LNPK: variants seen among roughly 807,000 people sequenced by gnomAD.
LNPK encodes lunapark, ER junction formation factor.
A neutral mutation model predicts 55.2 loss-of-function variants in LNPK; 29 were observed. That is an observed-to-expected ratio of 0.53 (90% CI 0.39 to 0.72). LNPK has a LOEUF of 0.72. LNPK is among the 30% of genes least tolerant of loss of function. The probability of loss-of-function intolerance (pLI) is 0.00; values close to 1 mark genes in which losing one functional copy is unlikely to be tolerated. For missense variants in LNPK, 467 were observed against 494.8 expected (o/e 0.94, Z 0.53); for synonymous variants, 162 against 168.2 (o/e 0.96, Z 0.29).
intron 4 of LNPK, among the ~76,000 whole-genome samples, chr2:175,986,970 G>GAAAAAAAAAAAAAAAACAAAAAAA (rs745941194): frequency 8.4e-6 from 1 of 119,046 alleles, no homozygotes; most frequent in Non-Finnish European, 1.8e-5. Context: ...TATCAAACAA[G>GAAAAAAAAAAAAAAAACAAAAAAA]AAAAAAAAAA....
At position 175,979,861 on chromosome 2, in the gene LNPK, T is replaced by G; in HGVS notation, c.265A>C (p.Ser89Arg). 6.3e-7 allele frequency: 1 copy of G among 1,578,850 alleles called. No individual in the cohort carries two copies. Among genetic ancestry groups the G allele is most frequent in the East Asian group, 2.3e-5 (1 of 44,226 alleles). Residue 89 changes from serine to arginine, a missense_variant, in exon 5 of 13, where the codon AGC becomes CGC. Physicochemically the swap from Ser to Arg is moderately radical, Grantham distance 110. Transcript: ENST00000272748. The part of the protein sequence containing the change: ...PFFAFPLIIW[S>R]IRTVIIFFFS... ...AAGAAAATAATTACTGTTCTTATGC[T>G]CCAGATGCTAAAAGGGAAGCAAAAT...
At position 175,928,772 on chromosome 2, in the gene LNPK, G is replaced by C. The variant is rs1296341499; in HGVS notation, c.*1195C>G. ...TATTAAAGGTCCAAGAATTAGCACT[G>C]AGACACATTTTTTCCAGTTAATCCT... On this transcript the variant is annotated 3_prime_UTR_variant, in exon 13 of 13. Coordinates refer to ENST00000272748, the MANE Select transcript of LNPK (RefSeq NM_030650.3). 1 of 151,944 alleles carries C rather than the reference G, an allele frequency of 6.6e-6. No individual in the cohort carries two copies. The highest frequency in any genetic ancestry group is 1.5e-5 in the Non-Finnish European group (1 of 67,976). The allele number at this position is 151,944 out of a possible 1,614,324, so 9.4% of individuals were successfully genotyped here.
chr2:175,929,048 A>G lies in LNPK; in HGVS notation c.*919T>C. 2.2e-6 allele frequency: 2 copies of G among 918,366 alleles called. No homozygotes were observed. Among genetic ancestry groups the G allele is most frequent in the Non-Finnish European group, 2.6e-6 (2 of 768,472 alleles). The allele number at this position is 918,366 out of a possible 1,614,324, so 56.9% of individuals were successfully genotyped here. Reference sequence around the variant, plus strand: ...ATTGTATTGTGAGCTATTCCTCCTAAGATTTTTCAGGTAGCCAAGTCACCC... The same window carrying G: ...ATTGTATTGTGAGCTATTCCTCCTAGGATTTTTCAGGTAGCCAAGTCACCC... On this transcript the variant is annotated 3_prime_UTR_variant, in exon 13 of 13. Coordinates refer to ENST00000272748, the MANE Select transcript of LNPK (RefSeq NM_030650.3).
chr2:175,999,576 G>C (rs529010498), intron 1 of LNPK, among the ~76,000 whole-genome samples: 61 of 152,230 alleles, frequency 4.0e-4, no homozygotes, highest in South Asian at 1.0e-3. Flanking sequence ...CATGGGAACC[G>C]AATAACCTTT....
intron 1 of LNPK, among the ~76,000 whole-genome samples, chr2:175,996,514 TTAA>T (rs1468793649): frequency 2.0e-4 from 30 of 152,188 alleles, no homozygotes; most frequent in African/African-American, 7.0e-4. Flanking sequence ...TCTTAATTAG[TTAA>T]TAATACAACC....
intron 4 of LNPK, among the ~76,000 whole-genome samples, chr2:175,981,276 T>A (rs960544313): frequency 2.6e-5 from 4 of 152,182 alleles, no homozygotes; most frequent in Non-Finnish European, 5.9e-5. Flanking sequence ...GATTACAAGC[T>A]CTGTGAGAAG....
At position 175,993,226 on chromosome 2, in the gene LNPK, G is replaced by A. The variant is rs775833407; in HGVS notation, c.28-3C>T. On this transcript the variant is annotated splice_region_variant and splice_polypyrimidine_tract_variant and intron_variant, in intron 2 of 12. Coordinates refer to ENST00000272748, the MANE Select transcript of LNPK (RefSeq NM_030650.3). ...ACTTCTACAGTTGAAGGTTTTGTCT[G>A]TTATACAAACAGAAACAAGAGACAG... is the stretch of plus-strand genomic sequence containing the variant. The A allele has an allele frequency of 6.5e-7, 1 of 1,542,818 alleles. No homozygotes were observed. Among genetic ancestry groups the A allele is most frequent in the South Asian group, 1.2e-5 (1 of 80,370 alleles).
At chr2:175,969,171 A>C (rs1686529584) in intron 6 of LNPK, among the ~76,000 whole-genome samples, 1 of 152,228 alleles carries the variant, frequency 6.6e-6, no homozygotes, top group African/African-American at 2.4e-5. Context: ...TTTAATTAAT[A>C]AAGTGAATTA....
chr2:175,982,994 C>T (rs1047729631), intron 4 of LNPK, among the ~76,000 whole-genome samples: 2 of 152,126 alleles, frequency 1.3e-5, no homozygotes, highest in Non-Finnish European at 2.9e-5. Flanking sequence ...TAAAACTCAA[C>T]CATCAGAATA....
At chr2:175,935,971 A>T (rs1684526497) in intron 12 of LNPK, among the ~76,000 whole-genome samples, 1 of 152,026 alleles carries the variant, frequency 6.6e-6, no homozygotes, top group Admixed American at 6.6e-5. Flanking sequence ...TAGCTTCTAT[A>T]AGCAGGGCTA....
intron 1 of LNPK, among the ~76,000 whole-genome samples, chr2:176,000,163 T>C (rs1688107199): frequency 6.6e-6 from 1 of 152,210 alleles, no homozygotes; most frequent in Admixed American, 6.5e-5. Flanking sequence ...ATTTTAAATC[T>C]TGGGAAATGT....
At chr2:175,968,847 C>T (rs1025053624) in intron 6 of LNPK, among the ~76,000 whole-genome samples, 12 of 151,868 alleles carry the variant, frequency 7.9e-5, no homozygotes, top group Admixed American at 4.6e-4. Context: ...AGTGAAGCCC[C>T]GCCTCTACTA....
At chr2:175,970,991 A>G (rs560071411) in intron 5 of LNPK, among the ~76,000 whole-genome samples, 187 bp from the exon 6 acceptor site, 7 of 152,226 alleles carry the variant, frequency 4.6e-5, no homozygotes, top group African/African-American at 1.7e-4. Context: ...TGCCTGTATT[A>G]TATATTATAG....
intron 8 of LNPK, among the ~76,000 whole-genome samples, chr2:175,951,599 A>ATATATATATATATATATATATATATT: frequency 7.9e-6 from 1 of 127,110 alleles, no homozygotes; most frequent in African/African-American, 3.0e-5. Context: ...ATATATATAT[A>ATATATATATATATATATATATATATT]TATATATATA....
At chr2:175,953,526 A>C (rs1413077039) in intron 8 of LNPK, among the ~76,000 whole-genome samples, 17 of 152,070 alleles carry the variant, frequency 1.1e-4, no homozygotes. Context: ...CAGTTGTCCA[A>C]ACAAAAACGT....
At chr2:175,967,871 T>G (rs1285918144) in intron 6 of LNPK, 2 of 516,144 alleles carry the variant, frequency 3.9e-6, no homozygotes, top group Non-Finnish European at 5.0e-6. Flanking sequence ...ATGTAACATT[T>G]TAAGCCGCTA....
chr2:175,990,449 C>T (rs755592128), intron 4 of LNPK, among the ~76,000 whole-genome samples: 3 of 152,182 alleles, frequency 2.0e-5, no homozygotes, highest in Non-Finnish European at 4.4e-5. Context: ...CTTGTACAGT[C>T]TGCAGAACCA....
In LNPK at chr2:175,984,777, G is replaced by A. The variant is rs573833966; in HGVS notation, c.258-4909C>T. On this transcript the variant is annotated intron_variant, in intron 4 of 12. Transcript: ENST00000272748. ...ACCTACCTAGTGGAAATGTAAAATG[G>A]TATAGCTACTCTGAAAAAAAGTTTA... Among the ~76,000 whole-genome samples the A allele has an allele frequency of 1.2e-4, 19 of 152,206 alleles. No homozygotes were observed. In the South Asian group the frequency reaches 3.9e-3, roughly 32 times the overall value.
At chr2:175,988,928 C>T (rs573990030) in intron 4 of LNPK, among the ~76,000 whole-genome samples, 3 of 152,204 alleles carry the variant, frequency 2.0e-5, no homozygotes, top group South Asian at 2.1e-4. Flanking sequence ...AGCCCACCAC[C>T]GTGCTGGGCT....
Sources: gnomAD v4.1 joint callset for allele counts (sites outside exome capture counted in the v4.1 genomes callset) on GRCh38, gnomAD v4.1.1 for gene constraint, MANE v1.5 for transcripts, NCBI Gene and HGNC (gene_info 2026-07-23, HGNC 2026-07-21) for gene names.